The following KCTD19 variants were observed in gnomAD, a reference collection of about 807,000 sequenced individuals.
KCTD19 encodes BTB/POZ domain-containing protein KCTD19.
In KCTD19, 67 loss-of-function variants were observed where a neutral mutation model predicts 103.5. The observed-to-expected ratio is 0.65, with a 90% confidence interval of 0.53 to 0.79. KCTD19 has a LOEUF of 0.79. Ranked by LOEUF, KCTD19 falls within the 30% of genes least tolerant of loss-of-function variation. The pLI is 0.00. For synonymous variants in KCTD19, 439 were observed against 452.2 expected, an observed-to-expected ratio of 0.97 and a Z score of 0.37; for missense variants, 980 against 1,136.1, an observed-to-expected ratio of 0.86 and a Z score of 1.98.
chr16:67,293,503 T>C lies in KCTD19; in HGVS notation c.2218+41A>G, dbSNP rs1288882788. 3 of 1,587,710 alleles carry C rather than the reference T, an allele frequency of 1.9e-6. No individual in the cohort carries two copies. The highest frequency in any genetic ancestry group is 2.6e-6 in the Non-Finnish European group (3 of 1,164,812). On this transcript the variant is annotated intron_variant, in intron 12 of 15. Coordinates refer to ENST00000304372, the MANE Select transcript of KCTD19 (RefSeq NM_001100915.3). This position sits in a 1 kb window ranked among gnomAD's most constrained non-coding sequence, Gnocchi z 4.0. The stretch of plus-strand genomic sequence containing the variant: ...TCTTGGCCAAAGAGTTTGCCTTCTC[T>C]GTTGTGAATAAGACTTAGATCAAAG...
Position 67,303,130 on chromosome 16 carries a change from C to T in KCTD19, c.643+16G>A, listed in dbSNP as rs551827649. 26 of 687,890 alleles carry T rather than the reference C, an allele frequency of 3.8e-5. No homozygotes were observed. In the East Asian group the frequency reaches 4.3e-4, roughly 11 times the overall value. The allele number at this position is 687,890 out of a possible 1,614,324, so 42.6% of individuals were successfully genotyped here. On this transcript the variant is annotated intron_variant, in intron 4 of 15. Transcript: ENST00000304372. The surrounding 1 kb of genome is among the most constrained non-coding windows in gnomAD (Gnocchi z 4.3). Reference sequence around the variant, plus strand: ...TATCAGCCCGCCCCCCACCCCACCCCGGACAGAGCAATCACCAATGAAGCG... The same window carrying T: ...TATCAGCCCGCCCCCCACCCCACCCTGGACAGAGCAATCACCAATGAAGCG...
In KCTD19 at chr16:67,303,106, AT is replaced by A. The variant is rs764655608; in HGVS notation, c.643+39del. The stretch of plus-strand genomic sequence containing the variant: ...TGATGGGGAGGGGTGAATGGGCCCT[AT>A]CAGCCCGCCCCCCACCCCACCCCGG... On this transcript the variant is annotated intron_variant, in intron 4 of 15. Coordinates refer to ENST00000304372, the MANE Select transcript of KCTD19 (RefSeq NM_001100915.3). This position sits in a 1 kb window ranked among gnomAD's most constrained non-coding sequence, Gnocchi z 4.3. 5 of 505,888 alleles carry A rather than the reference AT, an allele frequency of 9.9e-6. No individual in the cohort carries two copies. Among genetic ancestry groups the A allele is most frequent in the South Asian group, 7.7e-5 (5 of 64,892 alleles). 31.3% of individuals were successfully genotyped at this position (505,888 alleles called of 1,614,324 possible). A position where few individuals can be genotyped will look rare whatever the true frequency, so the allele number is the denominator to read the frequency against.
At chr16:67,311,754 C>A (rs915618829) in intron 2 of KCTD19, among the ~76,000 whole-genome samples, 16 of 151,796 alleles carry the variant, frequency 1.1e-4, no homozygotes, top group African/African-American at 3.9e-4. Flanking sequence ...TGTGGCCTTG[C>A]CTGCATGTAG....
At chr16:67,307,449 G>A (rs1350508406) in intron 2 of KCTD19, among the ~76,000 whole-genome samples, 3 of 151,994 alleles carry the variant, frequency 2.0e-5, no homozygotes, top group Non-Finnish European at 4.4e-5. Flanking sequence ...AAACAGCTGG[G>A]ACCACAGGCG....
At chr16:67,294,527 C>A in intron 11 of KCTD19, 53 bp downstream of exon 11, 1 of 1,264,666 alleles carries the variant, frequency 7.9e-7, no homozygotes, top group Non-Finnish European at 1.2e-6. Context: ...CACCCTGAGC[C>A]CGGTGGTAGT....
Position 67,321,287 on chromosome 16 carries a change from G to A in KCTD19, c.4-402C>T, listed in dbSNP as rs373877208. 2.5e-4 allele frequency among the ~76,000 whole-genome samples: 38 copies of A among 152,270 alleles called. No individual in the cohort carries two copies. The East Asian group carries it at 7.3e-3, about 29-fold the overall frequency. On this transcript the variant is annotated intron_variant, in intron 1 of 15. Transcript: ENST00000304372. Reference sequence around the variant, plus strand: ...TTTATACTTCAGCAATGAACAATCTGAAAGTGAAATTAAGAAAACAATTCA... The same window carrying A: ...TTTATACTTCAGCAATGAACAATCTAAAAGTGAAATTAAGAAAACAATTCA...
At position 67,304,459 on chromosome 16, in the gene KCTD19, T is replaced by C; in HGVS notation, c.413A>G (p.Lys138Arg). 3 of 1,614,086 alleles carry C rather than the reference T, an allele frequency of 1.9e-6. No homozygotes were observed. Among genetic ancestry groups the C allele is most frequent in the Non-Finnish European group, 1.7e-6 (2 of 1,179,954 alleles). ...GCTTTTAATTGGAAATTCTGAGGGT[T>C]TGCTAATACACTTCCATGTACGCCA... is the stretch of plus-strand genomic sequence containing the variant. ...NYWRTWKCISKPSEFPIKSPA... is the reference protein window; with the variant it reads ...NYWRTWKCISRPSEFPIKSPA... The change falls in exon 3 of 16, where the codon AAA becomes AGA. Residue 138 changes from lysine (K) to arginine (R), a missense_variant. Physicochemically the swap from Lys to Arg is conservative, Grantham distance 26. Coordinates refer to ENST00000304372, the MANE Select transcript of KCTD19 (RefSeq NM_001100915.3).
Position 67,303,267 on chromosome 16 carries a change from G to A in KCTD19, c.522C>T (p.Tyr174=), listed in dbSNP as rs1225315215. 7 of 1,614,162 alleles carry A rather than the reference G, an allele frequency of 4.3e-6. No individual in the cohort carries two copies. In the South Asian group the frequency reaches 5.5e-5, roughly 13 times the overall value. ...CCACCAGGTCTAGGGGCAGGAAGCA[G>A]TAGTGCACCTCCTCTTCTGTGTCTA... The part of the protein sequence containing the change: ...PLLDTEEEVH[Y]CFLPLDLVAK... The change falls in exon 4 of 16, where the codon TAC becomes TAT. Residue 174 remains tyrosine, a synonymous_variant. Transcript: ENST00000304372. This position sits in a 1 kb window ranked among gnomAD's most constrained non-coding sequence, Gnocchi z 4.3.
At chr16:67,314,830 T>TATATATATAGAG (rs1430877802) in intron 2 of KCTD19, among the ~76,000 whole-genome samples, 1 of 33,652 alleles carries the variant, frequency 3.0e-5, no homozygotes, top group African/African-American at 2.1e-4. Context: ...TATATATATA[T>TATATATATAGAG]AGAGAGAGAG....
chr16:67,318,709 A>AT (rs1429279306), intron 2 of KCTD19, among the ~76,000 whole-genome samples: 4 of 151,904 alleles, frequency 2.6e-5, no homozygotes, highest in African/African-American at 9.7e-5. Flanking sequence ...TTGATCTCTG[A>AT]TTTTCTGCAA....
At chr16:67,297,110 G>A (rs1461594895) in intron 7 of KCTD19, among the ~76,000 whole-genome samples, 1 of 152,246 alleles carries the variant, frequency 6.6e-6, no homozygotes, top group Non-Finnish European at 1.5e-5. Flanking sequence ...TGACCACTGT[G>A]TAACTTGAGT....
At position 67,320,783 on chromosome 16, in the gene KCTD19, C is replaced by G; in HGVS notation, c.106G>C (p.Asp36His). ...VPRSKLSQFPDSLLWKEASAL... is the reference protein window; with the variant it reads ...VPRSKLSQFPHSLLWKEASAL... ...GAAGCCTCTTTCCACAGCAGGGAGT[C>G]TGGAAACTGAGAGAGTTTGCTTCTG... The change falls in exon 2 of 16, where the codon GAC becomes CAC. Residue 36 changes from aspartate (D) to histidine (H), a missense_variant. Asp to His is a moderately conservative substitution (Grantham distance 81). Transcript: ENST00000304372. This position sits in a 1 kb window ranked among gnomAD's most constrained non-coding sequence, Gnocchi z 4.0. 1 of 1,614,166 alleles carries G rather than the reference C, an allele frequency of 6.2e-7. No homozygotes were observed. Among genetic ancestry groups the G allele is most frequent in the Non-Finnish European group, 8.5e-7 (1 of 1,180,030 alleles).
chr16:67,325,916 T>A (rs2037155836), intron 1 of KCTD19: 5 of 102,712 alleles, frequency 4.9e-5, no homozygotes, highest in Admixed American at 3.4e-4. Context: ...ATTTCTTACC[T>A]TTTTTTTTTT....
intron 5 of KCTD19, 88 bp downstream of exon 5, chr16:67,301,682 CTCACTAACCCCCAAAGCCCGA>C: frequency 9.7e-7 from 1 of 1,032,274 alleles, no homozygotes; most frequent in South Asian, 1.5e-5. Context: ...ACCCAATCCT[CTCACTAACCCCCAAAGCCCGA>C]AGTGATTGTG....
chr16:67,325,207 CTTT>C (rs10695930), intron 1 of KCTD19, among the ~76,000 whole-genome samples: 1 of 113,164 alleles, frequency 8.8e-6, no homozygotes, highest in Admixed American at 8.8e-5. Context: ...TTCTTTTTTT[CTTT>C]TTTTTTTTTT....
At chr16:67,321,352 A>G (rs2037070840) in intron 1 of KCTD19, among the ~76,000 whole-genome samples, 1 of 152,240 alleles carries the variant, frequency 6.6e-6, no homozygotes, top group Non-Finnish European at 1.5e-5. Flanking sequence ...ATACTTAGGA[A>G]TAAATTTAAC....
At chr16:67,301,625 G>A (rs2036835072) in intron 5 of KCTD19, among the ~76,000 whole-genome samples, 166 bp downstream of exon 5, 1 of 152,106 alleles carries the variant, frequency 6.6e-6, no homozygotes, top group African/African-American at 2.4e-5. Flanking sequence ...CAGCACACAG[G>A]GTTTCAGGCT....
At chr16:67,291,212 G>T (rs1011235706) in intron 14 of KCTD19, 97 bp downstream of exon 14, 119 of 1,447,942 alleles carry the variant, frequency 8.2e-5, no homozygotes, top group Non-Finnish European at 1.1e-4. Context: ...ACCCCATCTT[G>T]GCTTACTTCC....
chr16:67,311,566 G>A (rs1443707469), intron 2 of KCTD19, among the ~76,000 whole-genome samples: 1 of 152,088 alleles, frequency 6.6e-6, no homozygotes, highest in Non-Finnish European at 1.5e-5. Context: ...GCCTCCCAGA[G>A]TTGGGATTAC....
Sources: allele counts gnomAD v4.1 joint callset (sites outside exome capture counted in the v4.1 genomes callset), GRCh38; gene constraint gnomAD v4.1.1; non-coding constraint Gnocchi (gnomAD v3.1); transcripts MANE v1.5; gene names NCBI Gene and HGNC (gene_info 2026-07-23, HGNC 2026-07-21).